The following KIRREL3 variants were observed in gnomAD, a reference collection of about 807,000 sequenced individuals.
KIRREL3 encodes kin of IRRE-like protein 3.
KIRREL3 carries 36 observed loss-of-function variants against 89.7 expected under a neutral mutation model. The ratio of observed to expected loss-of-function variants is 0.40; its 90% confidence interval spans 0.31 to 0.53. The LOEUF is 0.53. KIRREL3 is among the 20% of genes least tolerant of loss of function. The pLI, the probability that KIRREL3 is intolerant of heterozygous loss-of-function variation, is 0.49. For synonymous variants in KIRREL3, 445 were observed against 441.4 expected, an observed-to-expected ratio of 1.01 and a Z score of -0.10; for missense variants, 864 against 1,056.6, an observed-to-expected ratio of 0.82 and a Z score of 2.53.
chr11:126,958,592 T>C (rs778889489), intron 1 of KIRREL3, among the ~76,000 whole-genome samples: 1 of 152,242 alleles, frequency 6.6e-6, no homozygotes, highest in African/African-American at 2.4e-5. Context: ...TTTGATGGTA[T>C]GAAGTGGTCT....
At chr11:126,662,317 C>T (rs140085724) in intron 1 of KIRREL3, among the ~76,000 whole-genome samples, 4,278 of 152,266 alleles carry the variant, frequency 0.028, 95 homozygotes, top group Non-Finnish European at 0.038. Context: ...AACCAGAAAA[C>T]GGGGCCAGGC....
intron 4 of KIRREL3, among the ~76,000 whole-genome samples, chr11:126,511,682 T>C (rs1168517612): frequency 6.6e-6 from 1 of 152,174 alleles, no homozygotes; most frequent in African/African-American, 2.4e-5. Context: ...CTGCCTTGGG[T>C]TGTGTGACTT....
intron 1 of KIRREL3, among the ~76,000 whole-genome samples, chr11:126,691,934 C>T (rs1946892125): frequency 1.3e-5 from 2 of 152,184 alleles, no homozygotes; most frequent in Non-Finnish European, 2.9e-5. Context: ...CATCACTAAT[C>T]ATCAGAGATT....
At chr11:126,751,658 C>A (rs1042896630) in intron 1 of KIRREL3, among the ~76,000 whole-genome samples, 1 of 150,898 alleles carries the variant, frequency 6.6e-6, no homozygotes, top group Admixed American at 6.6e-5. Context: ...ACTAAATATT[C>A]TTTTTGAGGA....
At chr11:126,452,285 A>C (rs1419725507) in intron 7 of KIRREL3, among the ~76,000 whole-genome samples, 4 of 152,196 alleles carry the variant, frequency 2.6e-5, no homozygotes, top group Non-Finnish European at 4.4e-5. Context: ...CAATCTCTTA[A>C]CTTTGATTTA....
chr11:126,584,217 A>G (rs926348565), intron 1 of KIRREL3, among the ~76,000 whole-genome samples: 3 of 152,188 alleles, frequency 2.0e-5, no homozygotes, highest in Admixed American at 1.3e-4. Context: ...AGACATCAAC[A>G]TAGCCTGGGA....
intron 13 of KIRREL3, among the ~76,000 whole-genome samples, chr11:126,433,827 G>A (rs902186429): frequency 3.3e-5 from 5 of 152,234 alleles, no homozygotes; most frequent in South Asian, 2.1e-4. Context: ...TTGTCTCAGC[G>A]GAACTCAGAG....
intron 1 of KIRREL3, among the ~76,000 whole-genome samples, chr11:126,825,432 C>T (rs1943372888): frequency 6.6e-6 from 1 of 152,176 alleles, no homozygotes; most frequent in African/African-American, 2.4e-5. Context: ...GTGCCTTCTT[C>T]TTTATTAATA....
chr11:126,450,770 T>G (rs930954620), intron 7 of KIRREL3, among the ~76,000 whole-genome samples: 1 of 151,614 alleles, frequency 6.6e-6, no homozygotes, highest in Non-Finnish European at 1.5e-5. Flanking sequence ...TGTGTGCATG[T>G]GTGAGGGTGT....
Position 126,764,092 on chromosome 11 carries a change from C to T in KIRREL3, c.56-201180G>A, listed in dbSNP as rs750755134. Among the ~76,000 whole-genome samples, 1 of 152,170 alleles carries T rather than the reference C, an allele frequency of 6.6e-6. No individual in the cohort carries two copies. Among genetic ancestry groups the T allele is most frequent in the Non-Finnish European group, 1.5e-5 (1 of 68,032 alleles). ...AGCTCTAATTAAGTGGAAGATTATG[C>T]ATGCCATTTGAGTTTTAAAAGACAT... On this transcript the variant is annotated intron_variant, in intron 1 of 16. Coordinates refer to ENST00000525144, the MANE Select transcript of KIRREL3 (RefSeq NM_032531.4). The surrounding 1 kb of genome is among the most constrained non-coding windows in gnomAD (Gnocchi z 4.2).
At chr11:126,660,906 G>A (rs1945370211) in intron 1 of KIRREL3, among the ~76,000 whole-genome samples, 1 of 152,142 alleles carries the variant, frequency 6.6e-6, no homozygotes, top group South Asian at 2.1e-4. Flanking sequence ...GTTTTGCTTT[G>A]ACTTTTGCAG....
chr11:126,764,095 G>A lies in KIRREL3; in HGVS notation c.56-201183C>T, dbSNP rs928878890. ...TCTAATTAAGTGGAAGATTATGCAT[G>A]CCATTTGAGTTTTAAAAGACATTCA... On this transcript the variant is annotated intron_variant, in intron 1 of 16. Transcript: ENST00000525144. This position sits in a 1 kb window ranked among gnomAD's most constrained non-coding sequence, Gnocchi z 4.2. 6.6e-6 allele frequency among the ~76,000 whole-genome samples: 1 copy of A among 152,164 alleles called. No homozygotes were observed. The highest frequency in any genetic ancestry group is 2.4e-5 in the African/African-American group (1 of 41,424).
At chr11:126,945,690 A>C (rs181157019) in intron 1 of KIRREL3, among the ~76,000 whole-genome samples, 71 of 152,162 alleles carry the variant, frequency 4.7e-4, no homozygotes, top group African/African-American at 1.7e-3. Context: ...TTTCTCACCT[A>C]AGTTTCCTTA....
At position 126,615,648 on chromosome 11, in the gene KIRREL3, T is replaced by C. The variant is rs1027585570; in HGVS notation, c.56-52736A>G. Reference sequence around the variant, plus strand: ...TGGATTGAGTTAGGACAGTCCCAGATGATGATGGAGCCAGGAGCTGAGTAG... The same window carrying C: ...TGGATTGAGTTAGGACAGTCCCAGACGATGATGGAGCCAGGAGCTGAGTAG... On this transcript the variant is annotated intron_variant, in intron 1 of 16. Coordinates refer to ENST00000525144, the MANE Select transcript of KIRREL3 (RefSeq NM_032531.4). This position sits in a 1 kb window ranked among gnomAD's most constrained non-coding sequence, Gnocchi z 5.4. Among the ~76,000 whole-genome samples, 2 of 152,108 alleles carry C rather than the reference T, an allele frequency of 1.3e-5. No individual in the cohort carries two copies. The highest frequency in any genetic ancestry group is 4.8e-5 in the African/African-American group (2 of 41,428).
Position 126,443,571 on chromosome 11 carries a change from C to T in KIRREL3, c.1252+1408G>A, listed in dbSNP as rs959776860. Among the ~76,000 whole-genome samples, 6 of 149,458 alleles carry T rather than the reference C, an allele frequency of 4.0e-5. No individual in the cohort carries two copies. The highest frequency in any genetic ancestry group is 2.1e-4 in the South Asian group (1 of 4,724). ...ACTCAGCCTCCCTTGGGGGCTGCCACGACTCTGGGGTGGGGGGAGAGGAAT... is the reference window on the plus strand; with the variant it reads ...ACTCAGCCTCCCTTGGGGGCTGCCATGACTCTGGGGTGGGGGGAGAGGAAT... On this transcript the variant is annotated intron_variant, in intron 10 of 16. Coordinates refer to ENST00000525144, the MANE Select transcript of KIRREL3 (RefSeq NM_032531.4). The surrounding 1 kb of genome is among the most constrained non-coding windows in gnomAD (Gnocchi z 7.3).
At chr11:126,998,755 T>C (rs761465216) in intron 1 of KIRREL3, among the ~76,000 whole-genome samples, 1 of 152,154 alleles carries the variant, frequency 6.6e-6, no homozygotes, top group Non-Finnish European at 1.5e-5. Context: ...GTATCACGGA[T>C]CAAGCTTCTA....
intron 1 of KIRREL3, among the ~76,000 whole-genome samples, chr11:126,728,399 G>A (rs544282795): frequency 9.2e-5 from 14 of 152,248 alleles, no homozygotes; most frequent in African/African-American, 2.4e-4. Flanking sequence ...ACCTCCCACC[G>A]TGTTAAAGCA....
Position 126,708,489 on chromosome 11 carries a change from C to T in KIRREL3, c.56-145577G>A, listed in dbSNP as rs1384543253. Among the ~76,000 whole-genome samples the T allele has an allele frequency of 1.3e-5, 2 of 152,168 alleles. No individual in the cohort carries two copies. The highest frequency in any genetic ancestry group is 4.8e-5 in the African/African-American group (2 of 41,448). ...GAGTCCTTTATCTCAGATATCAAAC[C>T]CTGGCCCAGGATACACAAGACCAGG... On this transcript the variant is annotated intron_variant, in intron 1 of 16. Coordinates refer to ENST00000525144, the MANE Select transcript of KIRREL3 (RefSeq NM_032531.4). This position sits in a 1 kb window ranked among gnomAD's most constrained non-coding sequence, Gnocchi z 5.7.
chr11:126,688,253 C>G (rs1946742368), intron 1 of KIRREL3, among the ~76,000 whole-genome samples: 1 of 152,204 alleles, frequency 6.6e-6, no homozygotes, highest in African/African-American at 2.4e-5. Context: ...CATTCAATCA[C>G]CTTCCTTTTC....
Sources: gnomAD v4.1 joint callset for allele counts (sites outside exome capture counted in the v4.1 genomes callset) on GRCh38, gnomAD v4.1.1 for gene constraint, Gnocchi (gnomAD v3.1) non-coding constraint, MANE v1.5 for transcripts, NCBI Gene and HGNC (gene_info 2026-07-23, HGNC 2026-07-21) for gene names.